The following PDE9A variants were observed in gnomAD, a reference collection of about 807,000 sequenced individuals.
The protein encoded by PDE9A is phosphodiesterase 9A, also known as high affinity cGMP-specific 3',5'-cyclic phosphodiesterase 9A.
PDE9A carries 60 observed loss-of-function variants against 87.4 expected under a neutral mutation model. That is an observed-to-expected ratio of 0.69 (90% CI 0.56 to 0.85). The LOEUF (loss-of-function observed/expected upper bound fraction) is 0.85. PDE9A is among the 40% of genes least tolerant of loss of function. The pLI, the probability that PDE9A is intolerant of heterozygous loss-of-function variation, is 0.00. For missense variants in PDE9A, 665 were observed against 779.0 expected, an observed-to-expected ratio of 0.85 and a Z score of 1.74; for synonymous variants, 272 against 279.4, an observed-to-expected ratio of 0.97 and a Z score of 0.27.
Position 42,653,742 on chromosome 21 carries a change from C to A in PDE9A, c.-73C>A. 1 of 781,106 alleles carries A rather than the reference C, an allele frequency of 1.3e-6. No individual in the cohort carries two copies. The highest frequency in any genetic ancestry group is 2.0e-6 in the Non-Finnish European group (1 of 503,022). 48.4% of individuals were successfully genotyped at this position (781,106 alleles called of 1,614,324 possible). ...CCCGCCCGCCCCCTCCCCTGCTCCC[C>A]TCCCCCGCCTCCCGCGGCGGCTGGC... On this transcript the variant is annotated 5_prime_UTR_variant, in exon 1 of 20. Transcript: ENST00000291539.
chr21:42,767,458 G>A (rs1356851784), intron 15 of PDE9A, among the ~76,000 whole-genome samples: 1 of 152,186 alleles, frequency 6.6e-6, no homozygotes, highest in African/African-American at 2.4e-5. Context: ...GAAAGGAAGG[G>A]CGACCACAGC....
At chr21:42,755,515 G>C (rs1266231244) in intron 10 of PDE9A, among the ~76,000 whole-genome samples, 1 of 152,232 alleles carries the variant, frequency 6.6e-6, no homozygotes, top group Non-Finnish European at 1.5e-5. Flanking sequence ...TGAGAGTGCA[G>C]GACCGGGGCG....
chr21:42,712,842 T>C lies in PDE9A; in HGVS notation c.262+13831T>C, dbSNP rs140637203. ...AATGGTTTTGTCCCATAAAGAGGTA[T>C]TGGATTTTGTTCCAGTACCTTTCTG... On this transcript the variant is annotated intron_variant, in intron 4 of 19. Coordinates refer to ENST00000291539, the MANE Select transcript of PDE9A (RefSeq NM_002606.3). Among the ~76,000 whole-genome samples, 10 of 152,338 alleles carry C rather than the reference T, an allele frequency of 6.6e-5. No individual in the cohort carries two copies. In the East Asian group the frequency reaches 1.9e-3, roughly 29 times the overall value.
intron 1 of PDE9A, among the ~76,000 whole-genome samples, chr21:42,670,712 T>TA (rs1555902831): frequency 6.7e-6 from 1 of 149,446 alleles, no homozygotes; most frequent in Middle Eastern, 3.7e-3. Context: ...CACATACACT[T>TA]ACACTCACAG....
At chr21:42,670,136 TGC>T (rs2058323537) in intron 1 of PDE9A, among the ~76,000 whole-genome samples, 6 of 150,328 alleles carry the variant, frequency 4.0e-5, no homozygotes, top group African/African-American at 1.2e-4. Context: ...GGCTCACACA[TGC>T]TTACACACAC....
intron 1 of PDE9A, among the ~76,000 whole-genome samples, chr21:42,672,281 G>A (rs1391699599): frequency 6.6e-6 from 1 of 151,152 alleles, no homozygotes; most frequent in Non-Finnish European, 1.5e-5. Context: ...CTGAGGGCCT[G>A]GAGCAGGGCC....
At chr21:42,716,810 G>A (rs1430484989) in intron 4 of PDE9A, among the ~76,000 whole-genome samples, 1 of 128,428 alleles carries the variant, frequency 7.8e-6, no homozygotes, top group African/African-American at 3.0e-5. Context: ...GAGTGCAGTA[G>A]TGAGATCTCA....
chr21:42,752,009 C>G (rs559301207), intron 9 of PDE9A, among the ~76,000 whole-genome samples: 33 of 150,422 alleles, frequency 2.2e-4, no homozygotes, highest in Admixed American at 7.3e-4. Flanking sequence ...CCTCGGCCTC[C>G]CAAAGTGCTG....
Position 42,720,860 on chromosome 21 carries a change from C to T in PDE9A, c.263-10910C>T, listed in dbSNP as rs143940183. ...ATGTCTACTAAAAATACAAAATTAG[C>T]CCGGCGTGGTGGTGCATGTCTGTTA... On this transcript the variant is annotated intron_variant, in intron 4 of 19. Coordinates refer to ENST00000291539, the MANE Select transcript of PDE9A (RefSeq NM_002606.3). Among the ~76,000 whole-genome samples, 152 of 152,024 alleles carry T rather than the reference C, an allele frequency of 1.0e-3. 4 individuals carry two copies. The East Asian group carries it at 0.025, about 25-fold the overall frequency.
intron 7 of PDE9A, chr21:42,741,835 A>AGT (rs1424304378): frequency 6.6e-6 from 1 of 152,148 alleles, no homozygotes; most frequent in African/African-American, 2.4e-5. Flanking sequence ...AAAGGCTCTG[A>AGT]GTTGCTTGGT....
rs1272214878 is a variant in PDE9A, at chr21:42,722,366, T to C, written c.263-9404T>C. ...AGCACCTCGCCCTGTTGCTCTGGGT[T>C]GGGACTAACAAGGTGAAACATGGCT... On this transcript the variant is annotated intron_variant, in intron 4 of 19. Transcript: ENST00000291539. This position sits in a 1 kb window ranked among gnomAD's most constrained non-coding sequence, Gnocchi z 4.1. 2.0e-5 allele frequency among the ~76,000 whole-genome samples: 3 copies of C among 152,228 alleles called. No homozygotes were observed. The East Asian group carries it at 5.8e-4, about 29-fold the overall frequency.
chr21:42,669,492 G>T (rs774449877), intron 1 of PDE9A, among the ~76,000 whole-genome samples: 4 of 152,168 alleles, frequency 2.6e-5, no homozygotes, highest in Admixed American at 2.6e-4. Context: ...TTTATTGAAG[G>T]TTCCTGTGTG....
intron 7 of PDE9A, among the ~76,000 whole-genome samples, chr21:42,738,048 G>C (rs926922455): frequency 6.6e-6 from 1 of 152,204 alleles, no homozygotes; most frequent in African/African-American, 2.4e-5. Context: ...GTCCTGGCTG[G>C]AGGTGAAACA....
intron 10 of PDE9A, 42 bp from the exon 11 acceptor site, chr21:42,758,957 C>A: frequency 6.8e-7 from 1 of 1,481,134 alleles, no homozygotes; most frequent in Non-Finnish European, 9.4e-7. Flanking sequence ...GGGGAGCCGG[C>A]CACACAACTG....
chr21:42,654,008 G>C (rs2056846289), intron 1 of PDE9A, 125 bp downstream of exon 1: 1 of 478,778 alleles, frequency 2.1e-6, no homozygotes, highest in Admixed American at 4.4e-5. Context: ...CGCTCCGCCA[G>C]CTCTGGTCGG....
chr21:42,767,348 C>T (rs968120528), intron 15 of PDE9A, among the ~76,000 whole-genome samples: 5 of 152,044 alleles, frequency 3.3e-5, no homozygotes, highest in African/African-American at 7.2e-5. Context: ...CCACTGAGGC[C>T]GGCCAGGCAC....
chr21:42,754,817 A>G lies in PDE9A; in HGVS notation c.810+753A>G, dbSNP rs560457751. On this transcript the variant is annotated intron_variant, in intron 10 of 19. Coordinates refer to ENST00000291539, the MANE Select transcript of PDE9A (RefSeq NM_002606.3). ...TTAAGTGACTTTCTCCTTCTCTGCC[A>G]TTCTCCATGATTGTGAGGCCTCCGC... Among the ~76,000 whole-genome samples the G allele has an allele frequency of 4.6e-5, 7 of 152,256 alleles. No individual in the cohort carries two copies. In the South Asian group the frequency reaches 1.0e-3, roughly 23 times the overall value.
At chr21:42,728,428 G>A (rs182314675) in intron 4 of PDE9A, among the ~76,000 whole-genome samples, 287 of 152,236 alleles carry the variant, frequency 1.9e-3, no homozygotes, top group African/African-American at 6.5e-3. Context: ...TTTGTCAGAT[G>A]TTTTTTATGA....
intron 4 of PDE9A, among the ~76,000 whole-genome samples, chr21:42,715,832 AAT>A: frequency 6.6e-6 from 1 of 151,460 alleles, no homozygotes; most frequent in East Asian, 1.9e-4. Flanking sequence ...GGTTTGGACA[AAT>A]ATATGATGAC....
Sources: allele counts gnomAD v4.1 joint callset (sites outside exome capture counted in the v4.1 genomes callset), GRCh38; gene constraint gnomAD v4.1.1; non-coding constraint Gnocchi (gnomAD v3.1); transcripts MANE v1.5; gene names NCBI Gene and HGNC (gene_info 2026-07-23, HGNC 2026-07-21).